The following AGBL4 variants were observed in gnomAD, a reference collection of about 807,000 sequenced individuals.
AGBL4 encodes AGBL carboxypeptidase 4.
AGBL4 carries 58 observed loss-of-function variants against 66.4 expected under a neutral mutation model. The observed-to-expected ratio is 0.87, with a 90% CI of 0.71 to 1.09. AGBL4 has a LOEUF of 1.09. Among genes scored for constraint, AGBL4 ranks in the 50% least tolerant of loss-of-function variants. The pLI is 0.00. For missense variants in AGBL4, 579 were observed against 631.0 expected (o/e 0.92, Z 0.88); for synonymous variants, 234 against 222.9 (o/e 1.05, Z -0.44).
At chr1:49,261,632 G>A (rs1241120668) in intron 3 of AGBL4, among the ~76,000 whole-genome samples, 1 of 151,994 alleles carries the variant, frequency 6.6e-6, no homozygotes, top group Admixed American at 6.6e-5. Flanking sequence ...AAGGAGAACT[G>A]CAAACCACTG....
At chr1:49,291,611 T>C (rs948804843) in intron 3 of AGBL4, among the ~76,000 whole-genome samples, 3 of 152,248 alleles carry the variant, frequency 2.0e-5, no homozygotes, top group African/African-American at 4.8e-5. Context: ...TAATCTGAGT[T>C]GATAGAATAT....
At chr1:49,989,949 A>G (rs941289103) in intron 1 of AGBL4, among the ~76,000 whole-genome samples, 8 of 152,148 alleles carry the variant, frequency 5.3e-5, no homozygotes, top group Admixed American at 3.9e-4. Context: ...ATAATTTTCC[A>G]TAATTTCCTA....
chr1:49,042,577 C>T (rs75951405), intron 5 of AGBL4, among the ~76,000 whole-genome samples: 3,690 of 152,204 alleles, frequency 0.024, 125 homozygotes, highest in African/African-American at 0.085. Context: ...CTTCATCCTG[C>T]TGCATGGAAT....
intron 3 of AGBL4, among the ~76,000 whole-genome samples, chr1:49,681,113 GT>G (rs1313142431): frequency 6.6e-6 from 1 of 151,818 alleles, no homozygotes; most frequent in Non-Finnish European, 1.5e-5. Context: ...TTTTGCATTT[GT>G]TTTAAATGTG....
intron 3 of AGBL4, among the ~76,000 whole-genome samples, chr1:49,522,658 C>T (rs1007608549): frequency 1.6e-4 from 24 of 152,158 alleles, no homozygotes; most frequent in Admixed American, 1.5e-3. Flanking sequence ...TTTAGGAGGA[C>T]CACTCAATCA....
chr1:49,475,607 C>G (rs1156866606), intron 3 of AGBL4, among the ~76,000 whole-genome samples: 1 of 151,916 alleles, frequency 6.6e-6, no homozygotes, highest in Non-Finnish European at 1.5e-5. Context: ...AGTTTTATTA[C>G]TCATTATTGG....
intron 3 of AGBL4, among the ~76,000 whole-genome samples, chr1:49,400,381 T>C (rs375821659): frequency 9.2e-6 from 1 of 108,174 alleles, no homozygotes; most frequent in African/African-American, 3.9e-5. Context: ...TTCTGATCCA[T>C]ATACATTTTA....
In AGBL4 at chr1:49,370,060, A is replaced by AAC. The variant is rs534350792; in HGVS notation, c.283-124198_283-124197dup. On this transcript the variant is annotated intron_variant, in intron 3 of 13. Transcript: ENST00000371839. ...CACTGCCAGCCTCCATCATCACATA[A>AAC]ACACACACACACACATATATAATTA... 5.2e-4 allele frequency among the ~76,000 whole-genome samples: 77 copies of AAC among 148,490 alleles called. 1 individual carries two copies. The East Asian group carries it at 0.011, about 22-fold the overall frequency.
At chr1:49,067,757 ATTTATT>A (rs1644517141) in intron 4 of AGBL4, among the ~76,000 whole-genome samples, 1 of 151,760 alleles carries the variant, frequency 6.6e-6, no homozygotes, top group African/African-American at 2.4e-5. Flanking sequence ...CACTTTATTT[ATTTATT>A]TTTATTATTA....
chr1:49,530,273 C>CAAACAAAA lies in AGBL4; in HGVS notation c.282+167039_282+167040insTTTTGTTT, dbSNP rs1651009781. ...AGTAGAATTTGTAAAAAAAAAAAAA[C>CAAACAAAA]AAAAAAAAACTCTATGAGTTTTTTT... On this transcript the variant is annotated intron_variant, in intron 3 of 13. Transcript: ENST00000371839. Among the ~76,000 whole-genome samples the CAAACAAAA allele has an allele frequency of 8.0e-5, 9 of 111,928 alleles. 1 individual carries two copies. The highest frequency in any genetic ancestry group is 3.2e-4 in the African/African-American group (9 of 27,694). The allele number at this position is 111,928 out of a possible 152,430, so 73.4% of individuals were successfully genotyped here.
At chr1:48,957,878 C>T (rs1056392970) in intron 5 of AGBL4, among the ~76,000 whole-genome samples, 2 of 152,190 alleles carry the variant, frequency 1.3e-5, no homozygotes, top group Admixed American at 6.5e-5. Flanking sequence ...CAAAACACAA[C>T]TCTGACCGAA....
intron 5 of AGBL4, among the ~76,000 whole-genome samples, chr1:48,970,034 A>G (rs1658777318): frequency 6.6e-6 from 1 of 152,202 alleles, no homozygotes; most frequent in Non-Finnish European, 1.5e-5. Context: ...GGAAGGTTAA[A>G]TTACTTGCCT....
At chr1:50,006,257 T>C (rs1204645357) in intron 1 of AGBL4, among the ~76,000 whole-genome samples, 2 of 150,536 alleles carry the variant, frequency 1.3e-5, no homozygotes, top group Non-Finnish European at 2.9e-5. Context: ...GAGAATGGCA[T>C]GAACCCAGGA....
intron 4 of AGBL4, among the ~76,000 whole-genome samples, chr1:49,152,050 G>T (rs570107611): frequency 2.2e-4 from 34 of 151,666 alleles, no homozygotes; most frequent in African/African-American, 8.2e-4. Flanking sequence ...ACAGCATATA[G>T]TATGTCAAGT....
At chr1:48,645,917 T>G (rs1645827447) in intron 8 of AGBL4, among the ~76,000 whole-genome samples, 1 of 151,828 alleles carries the variant, frequency 6.6e-6, no homozygotes, top group South Asian at 2.1e-4. Flanking sequence ...TTGGAAGGCT[T>G]TGGGGATGTT....
chr1:49,724,415 C>T (rs1648853696), intron 2 of AGBL4, among the ~76,000 whole-genome samples: 1 of 152,122 alleles, frequency 6.6e-6, no homozygotes, highest in African/African-American at 2.4e-5. Context: ...GCAAACATGA[C>T]AGACATAGTC....
At chr1:48,862,750 A>G (rs1024381867) in intron 6 of AGBL4, among the ~76,000 whole-genome samples, 1 of 152,220 alleles carries the variant, frequency 6.6e-6, no homozygotes, top group African/African-American at 2.4e-5. Context: ...TTACATCACT[A>G]TCCCCAAAAT....
At chr1:49,436,070 T>C (rs1479087762) in intron 3 of AGBL4, among the ~76,000 whole-genome samples, 5 of 152,168 alleles carry the variant, frequency 3.3e-5, no homozygotes, top group Non-Finnish European at 7.4e-5. Context: ...CTGGTGGATA[T>C]GAAATTTGAG....
intron 5 of AGBL4, among the ~76,000 whole-genome samples, chr1:49,010,903 G>A (rs1382012312): frequency 1.3e-5 from 2 of 151,822 alleles, no homozygotes; most frequent in Non-Finnish European, 2.9e-5. Context: ...AGACTTAAAC[G>A]TTAGACCTAA....
Sources: gnomAD v4.1 joint callset for allele counts (sites outside exome capture counted in the v4.1 genomes callset) on GRCh38, gnomAD v4.1.1 for gene constraint, MANE v1.5 for transcripts, NCBI Gene and HGNC (gene_info 2026-07-23, HGNC 2026-07-21) for gene names.